Variants in COG3 observed in about 807,000 individuals in gnomAD.
COG3 encodes the protein component of oligomeric golgi complex 3.
A neutral mutation model predicts 114.1 loss-of-function variants in COG3; 32 were observed. That is an observed-to-expected ratio of 0.28 (90% CI 0.21 to 0.38). The LOEUF (loss-of-function observed/expected upper bound fraction) is 0.38, where lower values mean the gene tolerates loss of function less well. COG3 is among the 10% of genes least tolerant of loss of function. The pLI is 1.00. For missense variants in COG3, 813 were observed against 973.2 expected (o/e 0.84, Z 2.19); for synonymous variants, 352 against 365.7 (o/e 0.96, Z 0.43).
intron 17 of COG3, among the ~76,000 whole-genome samples, chr13:45,517,961 G>A (rs1871718916): frequency 6.6e-6 from 1 of 152,128 alleles, no homozygotes; most frequent in African/African-American, 2.4e-5. Context: ...TTGATTCTGT[G>A]CAGACAGAAT....
chr13:45,483,915 CTCA>C (rs1243001006), intron 7 of COG3, among the ~76,000 whole-genome samples: 3 of 152,020 alleles, frequency 2.0e-5, no homozygotes, highest in African/African-American at 7.2e-5. Context: ...GGTCCCTGCC[CTCA>C]TGGAGCTTAT....
At chr13:45,498,628 A>C (rs1015606981) in intron 13 of COG3, among the ~76,000 whole-genome samples, 4 of 151,844 alleles carry the variant, frequency 2.6e-5, no homozygotes, top group Non-Finnish European at 4.4e-5. Context: ...TTGACCATAG[A>C]TTAATGGTTT....
chr13:45,478,912 A>T, intron 2 of COG3, 93 bp from the exon 3 acceptor site: 1 of 827,508 alleles, frequency 1.2e-6, no homozygotes, highest in Non-Finnish European at 2.0e-6. Context: ...AACTTGGATA[A>T]CGTCTGTCCT....
chr13:45,533,978 C>G (rs965502438), intron 22 of COG3, among the ~76,000 whole-genome samples: 3 of 152,214 alleles, frequency 2.0e-5, no homozygotes, highest in Non-Finnish European at 4.4e-5. Context: ...ACAGCCAGGT[C>G]CATTTACCCA....
intron 13 of COG3, among the ~76,000 whole-genome samples, chr13:45,499,836 A>G (rs1453919509): frequency 6.6e-6 from 1 of 152,112 alleles, no homozygotes; most frequent in Non-Finnish European, 1.5e-5. Context: ...AGCCTGCACA[A>G]CACAGTGAAA....
chr13:45,509,738 A>G lies in COG3; in HGVS notation c.1641A>G (p.Pro547=). 1 of 1,614,162 alleles carries G rather than the reference A, an allele frequency of 6.2e-7. No individual in the cohort carries two copies. The highest frequency in any genetic ancestry group is 8.5e-7 in the Non-Finnish European group (1 of 1,180,002). The change falls in exon 15 of 23, where the codon CCA becomes CCG. Residue 547 remains proline (P), a synonymous_variant. Transcript: ENST00000349995. The part of the protein sequence containing the change: ...LNPRPQTTIS[P]ADLHGMWYPT... ...CTAGACCACAGACCACAATTTCTCC[A>G]GCAGATCTTCATGGAATGTGGTATC...
intron 17 of COG3, among the ~76,000 whole-genome samples, chr13:45,518,438 G>A (rs1871770533): frequency 6.6e-6 from 1 of 152,212 alleles, no homozygotes; most frequent in Admixed American, 6.5e-5. Flanking sequence ...GTAAGTATAT[G>A]AGTATTTTTT....
intron 1 of COG3, among the ~76,000 whole-genome samples, chr13:45,474,819 C>T (rs1311505140): frequency 6.6e-6 from 1 of 152,124 alleles, no homozygotes; most frequent in Non-Finnish European, 1.5e-5. Flanking sequence ...TGGATCTTGT[C>T]TTATATCAAT....
At chr13:45,468,670 G>A (rs1353016793) in intron 1 of COG3, among the ~76,000 whole-genome samples, 2 of 150,990 alleles carry the variant, frequency 1.3e-5, no homozygotes, top group African/African-American at 4.8e-5. Flanking sequence ...TGCTCAGCTG[G>A]TCAGGCAAAG....
At position 45,482,397 on chromosome 13, in the gene COG3, C is replaced by T; in HGVS notation, c.641C>T (p.Thr214Ile). The T allele has an allele frequency of 6.5e-7, 1 of 1,542,154 alleles. No individual in the cohort carries two copies. The highest frequency in any genetic ancestry group is 1.1e-5 in the South Asian group (1 of 87,206). Residue 214 changes from threonine to isoleucine, a missense_variant, in exon 6 of 23, where the codon ACA (threonine) becomes ATA (isoleucine). Thr to Ile is a moderately conservative substitution (Grantham distance 89, BLOSUM62 -1). This residue lies in a region of COG3 where 424 missense variants were observed against 430.6 expected (regional missense o/e 0.98). Transcript: ENST00000349995. ...ETINTKLNSP[T>I]LSVNSDGFIP... ...CTCTTAAAGAAATTGAATTCCCCTA[C>T]ATTGTCGGTGAATAGTGACGGATTT...
rs191475257 is a variant in COG3, at chr13:45,535,670, T to C, written c.*939T>C. 1 of 985,728 alleles carries C rather than the reference T, an allele frequency of 1.0e-6. No homozygotes were observed. Among genetic ancestry groups the C allele is most frequent in the Admixed American group, 6.1e-5 (1 of 16,302 alleles). 61.1% of individuals were successfully genotyped at this position (985,728 alleles called of 1,614,324 possible). On this transcript the variant is annotated 3_prime_UTR_variant, in exon 23 of 23. Coordinates refer to ENST00000349995, the MANE Select transcript of COG3 (RefSeq NM_031431.4). ...ATTCATTCAGCTGGCTGTGCTGTGC[T>C]GTGGACCAGCTGTGTGGATCTCTAG... is the stretch of plus-strand genomic sequence containing the variant.
intron 8 of COG3, among the ~76,000 whole-genome samples, chr13:45,487,960 G>C (rs142819278): frequency 6.6e-6 from 1 of 152,134 alleles, no homozygotes; most frequent in Non-Finnish European, 1.5e-5. Flanking sequence ...CAATAGTAAA[G>C]ATATGGAATC....
At chr13:45,490,572 T>C (rs2137826809) in intron 8 of COG3, among the ~76,000 whole-genome samples, 1 of 152,238 alleles carries the variant, frequency 6.6e-6, no homozygotes, top group South Asian at 2.1e-4. Flanking sequence ...GGTACTATGC[T>C]AAGGCCTTCT....
intron 22 of COG3, chr13:45,531,889 AG>A (rs1452861445): frequency 6.6e-6 from 1 of 152,202 alleles, no homozygotes; most frequent in Non-Finnish European, 1.5e-5. Flanking sequence ...TTTAAAATTG[AG>A]ATGTTCATAT....
At chr13:45,527,026 C>T (rs1481230843) in intron 20 of COG3, among the ~76,000 whole-genome samples, 1 of 152,164 alleles carries the variant, frequency 6.6e-6, no homozygotes, top group African/African-American at 2.4e-5. Context: ...AAATGAAACT[C>T]TTGGGTATGA....
chr13:45,494,163 A>G (rs955517040), intron 12 of COG3, among the ~76,000 whole-genome samples: 6 of 152,054 alleles, frequency 3.9e-5, no homozygotes, highest in Admixed American at 2.0e-4. Flanking sequence ...CGTCTCTACT[A>G]AAAATACAAA....
chr13:45,505,416 C>T (rs1870025908), intron 14 of COG3, among the ~76,000 whole-genome samples: 1 of 151,034 alleles, frequency 6.6e-6, no homozygotes, highest in South Asian at 2.1e-4. Context: ...ATTCTCCTGC[C>T]TCAGCCTCCT....
At chr13:45,468,908 C>T (rs1885306961) in intron 1 of COG3, among the ~76,000 whole-genome samples, 2 of 152,234 alleles carry the variant, frequency 1.3e-5, no homozygotes, top group South Asian at 4.1e-4. Context: ...TGTGATACCA[C>T]CACACCCCTT....
At chr13:45,522,698 C>CT (rs1433164806) in intron 19 of COG3, among the ~76,000 whole-genome samples, 1 of 152,178 alleles carries the variant, frequency 6.6e-6, no homozygotes. Context: ...AAAATAACCT[C>CT]TAAGTATTTG....
Sources: allele counts gnomAD v4.1 joint callset (sites outside exome capture counted in the v4.1 genomes callset), GRCh38; gene constraint gnomAD v4.1.1; regional missense constraint gnomAD v4.1.1; transcripts MANE v1.5; gene names NCBI Gene and HGNC (gene_info 2026-07-23, HGNC 2026-07-21).